The following ROBO2 variants were observed in gnomAD, a reference collection of about 807,000 sequenced individuals.
ROBO2 encodes the protein roundabout guidance receptor 2.
In ROBO2, 53 loss-of-function variants were observed where a neutral mutation model predicts 160.8. That is an observed-to-expected ratio of 0.33 (90% CI 0.26 to 0.41). The LOEUF is 0.41. Among genes scored for constraint, ROBO2 ranks in the 10% least tolerant of loss-of-function variants. The pLI is 1.00. For missense variants in ROBO2, 1,577 were observed against 1,722.4 expected, an observed-to-expected ratio of 0.92 and a Z score of 1.49; for synonymous variants, 664 against 611.7, an observed-to-expected ratio of 1.09 and a Z score of -1.26.
chr3:76,844,144 T>G (rs2148489909), intron 2 of ROBO2, among the ~76,000 whole-genome samples: 1 of 152,166 alleles, frequency 6.6e-6, no homozygotes, highest in African/African-American at 2.4e-5. Flanking sequence ...CATATTTGAA[T>G]AAATAGCATA....
intron 2 of ROBO2, among the ~76,000 whole-genome samples, chr3:76,793,672 A>G (rs1265050288): frequency 2.6e-5 from 4 of 151,842 alleles, no homozygotes; most frequent in Non-Finnish European, 5.9e-5. Context: ...ATATGTATAC[A>G]TGTGCCATGG....
chr3:77,066,043 A>G (rs1005577271), intron 1 of ROBO2, among the ~76,000 whole-genome samples: 2 of 152,134 alleles, frequency 1.3e-5, no homozygotes, highest in African/African-American at 4.8e-5. Context: ...AAAAATGTGT[A>G]TAAAAATGGC....
intron 2 of ROBO2, among the ~76,000 whole-genome samples, chr3:76,839,306 C>T (rs5745841): frequency 0.13 from 19,416 of 152,050 alleles, 1,397 homozygotes; most frequent in East Asian, 0.24. Context: ...TGGACTCAGA[C>T]ACAATAGAGT....
At chr3:76,979,459 A>G (rs1323891317) in intron 2 of ROBO2, among the ~76,000 whole-genome samples, 1 of 152,026 alleles carries the variant, frequency 6.6e-6, no homozygotes, top group African/African-American at 2.4e-5. Flanking sequence ...AAGTGAGTAC[A>G]TGTAGTATTT....
intron 1 of ROBO2, among the ~76,000 whole-genome samples, chr3:75,926,411 T>C (rs998944229): frequency 6.6e-6 from 1 of 152,140 alleles, no homozygotes; most frequent in Non-Finnish European, 1.5e-5. Flanking sequence ...CCCCACAAAG[T>C]TTTATGGTTG....
At chr3:75,969,317 G>A (rs2064917839) in intron 2 of ROBO2, among the ~76,000 whole-genome samples, 1 of 149,792 alleles carries the variant, frequency 6.7e-6, no homozygotes. Flanking sequence ...AGTTCCTTTG[G>A]GTATATACCC....
chr3:77,283,957 G>A (rs1351535777), intron 2 of ROBO2, among the ~76,000 whole-genome samples: 1 of 152,060 alleles, frequency 6.6e-6, no homozygotes, highest in African/African-American at 2.4e-5. Context: ...TGTAATTTTT[G>A]TATTTTACAG....
chr3:76,274,893 CA>C (rs1367281728), intron 2 of ROBO2, among the ~76,000 whole-genome samples: 1 of 151,248 alleles, frequency 6.6e-6, no homozygotes, highest in Non-Finnish European at 1.5e-5. Context: ...ATCATATACC[CA>C]AAAAGGTAAT....
intron 2 of ROBO2, among the ~76,000 whole-genome samples, chr3:77,016,021 G>C (rs533045561): frequency 1.3e-5 from 2 of 151,592 alleles, no homozygotes; most frequent in African/African-American, 4.9e-5. Context: ...CTGTCGCCCA[G>C]GCTGGAGTGC....
intron 2 of ROBO2, among the ~76,000 whole-genome samples, chr3:75,963,939 C>A (rs1949014716): frequency 6.6e-6 from 1 of 151,740 alleles, no homozygotes; most frequent in Non-Finnish European, 1.5e-5. Flanking sequence ...CTCATTTTAA[C>A]TGAATTCTTA....
chr3:77,377,816 C>T (rs2153482957), intron 2 of ROBO2, among the ~76,000 whole-genome samples: 1 of 152,318 alleles, frequency 6.6e-6, no homozygotes, highest in South Asian at 2.1e-4. Flanking sequence ...AACCCTTTCC[C>T]ATTAGATTGG....
At chr3:77,411,304 G>A (rs1309590017) in intron 2 of ROBO2, among the ~76,000 whole-genome samples, 1 of 152,144 alleles carries the variant, frequency 6.6e-6, no homozygotes, top group African/African-American at 2.4e-5. Flanking sequence ...AACCTTTATT[G>A]AGGACAACTT....
At chr3:76,855,677 A>T (rs2069980612) in intron 2 of ROBO2, among the ~76,000 whole-genome samples, 1 of 152,210 alleles carries the variant, frequency 6.6e-6, no homozygotes, top group South Asian at 2.1e-4. Context: ...TTGCCAATGA[A>T]TATTCATATC....
At chr3:77,409,383 T>G (rs1178062123) in intron 2 of ROBO2, among the ~76,000 whole-genome samples, 2 of 152,118 alleles carry the variant, frequency 1.3e-5, no homozygotes, top group African/African-American at 4.8e-5. Flanking sequence ...GCTTTAAAAT[T>G]AAATCAAACT....
intron 2 of ROBO2, among the ~76,000 whole-genome samples, chr3:76,181,309 A>G (rs1458186171): frequency 1.3e-5 from 2 of 152,120 alleles, no homozygotes; most frequent in African/African-American, 4.8e-5. Context: ...TTAATGTTGG[A>G]TTAATTTTTT....
chr3:77,285,946 A>G (rs1021336015), intron 2 of ROBO2, among the ~76,000 whole-genome samples: 3 of 152,122 alleles, frequency 2.0e-5, no homozygotes, highest in Admixed American at 2.0e-4. Context: ...CCTATATAAA[A>G]CCAAAAAGTA....
At chr3:77,512,304 A>T (rs2153616901) in intron 5 of ROBO2, among the ~76,000 whole-genome samples, 1 of 152,088 alleles carries the variant, frequency 6.6e-6, no homozygotes, top group South Asian at 2.1e-4. Context: ...TACTTGAAAA[A>T]TTGTGAATGG....
chr3:77,419,315 A>G (rs1397321202), intron 2 of ROBO2, among the ~76,000 whole-genome samples: 1 of 152,144 alleles, frequency 6.6e-6, no homozygotes, highest in African/African-American at 2.4e-5. Flanking sequence ...TAAGCGTTTC[A>G]CATGTATATC....
At chr3:76,223,149 T>G (rs185286539) in intron 2 of ROBO2, among the ~76,000 whole-genome samples, 1 of 151,886 alleles carries the variant, frequency 6.6e-6, no homozygotes, top group Non-Finnish European at 1.5e-5. Context: ...AGTATATTAA[T>G]GGTACACTTC....
Sources: allele counts gnomAD v4.1 joint callset (sites outside exome capture counted in the v4.1 genomes callset), GRCh38; gene constraint gnomAD v4.1.1; transcripts MANE v1.5; gene names NCBI Gene and HGNC (gene_info 2026-07-23, HGNC 2026-07-21).